The following THSD4 variants were observed in gnomAD, a reference collection of about 807,000 sequenced individuals.
The protein encoded by THSD4 is thrombospondin type 1 domain containing 4.
In THSD4, 69 loss-of-function variants were observed where a neutral mutation model predicts 119.0. The ratio of observed to expected loss-of-function variants is 0.58; its 90% CI spans 0.48 to 0.71. The LOEUF (loss-of-function observed/expected upper bound fraction) is 0.71, where lower values mean the gene tolerates loss of function less well. THSD4 is among the 30% of genes least tolerant of loss of function. The probability of loss-of-function intolerance (pLI) is 0.00; values close to 1 mark genes in which losing one functional copy is unlikely to be tolerated. For missense variants in THSD4, 1,393 were observed against 1,391.1 expected (o/e 1.00, Z -0.02); for synonymous variants, 524 against 540.4 (o/e 0.97, Z 0.42).
At chr15:71,512,387 C>T (rs1217095618) in intron 7 of THSD4, among the ~76,000 whole-genome samples, 5 of 152,108 alleles carry the variant, frequency 3.3e-5, no homozygotes, top group African/African-American at 1.2e-4. Flanking sequence ...AAGGTTGAAC[C>T]ACTTCAGCCC....
intron 7 of THSD4, among the ~76,000 whole-genome samples, chr15:71,556,424 T>C (rs1168562498): frequency 6.6e-6 from 1 of 152,162 alleles, no homozygotes; most frequent in East Asian, 1.9e-4. Context: ...TTCTAATTAA[T>C]TTTTTATTTT....
chr15:71,699,210 C>CT (rs34295616), intron 8 of THSD4, among the ~76,000 whole-genome samples: 61,192 of 73,004 alleles, frequency 0.84, 29,064 homozygotes, highest in South Asian at 0.96. Flanking sequence ...ATAGCTACAG[C>CT]TTTTTTTTTT....
intron 4 of THSD4, among the ~76,000 whole-genome samples, chr15:71,223,733 G>A (rs574333768): frequency 2.0e-5 from 3 of 152,332 alleles, no homozygotes; most frequent in Admixed American, 6.5e-5. Flanking sequence ...ACCTAAGGGA[G>A]TGTGCTGAGT....
rs1383037021 is a variant in THSD4 at position 71,757,541 on chromosome 15, C to CTGCCT, written c.2416-361_2416-360insTGCCT. 2.4e-3 allele frequency among the ~76,000 whole-genome samples: 365 copies of CTGCCT among 150,768 alleles called. 167 individuals are homozygous for CTGCCT. The highest frequency in any genetic ancestry group is 8.9e-3 in the African/African-American group (358 of 40,076). On this transcript the variant is annotated intron_variant, in intron 14 of 17. Transcript: ENST00000261862. ...AACCTCCTGGGCTCAAGCGATCCTC[C>CTGCCT]CACTTCAGCCTCCCAAAGCTCTGGT...
At chr15:71,567,813 G>A (rs1295105474) in intron 7 of THSD4, among the ~76,000 whole-genome samples, 3 of 152,064 alleles carry the variant, frequency 2.0e-5, no homozygotes, top group Non-Finnish European at 4.4e-5. Context: ...GTGTGTGGGT[G>A]TGTGTGTCTG....
At chr15:71,716,939 T>A (rs2052622562) in intron 8 of THSD4, among the ~76,000 whole-genome samples, 1 of 152,196 alleles carries the variant, frequency 6.6e-6, no homozygotes, top group South Asian at 2.1e-4. Context: ...CCTGACCAGA[T>A]GACCAAGAGC....
At chr15:71,708,390 G>C (rs1458099503) in intron 8 of THSD4, among the ~76,000 whole-genome samples, 1 of 152,142 alleles carries the variant, frequency 6.6e-6, no homozygotes, top group East Asian at 1.9e-4. Context: ...AAGGGCTATC[G>C]GCCTTGTCTT....
chr15:71,442,299 T>C (rs2047108083), intron 7 of THSD4, among the ~76,000 whole-genome samples: 1 of 150,014 alleles, frequency 6.7e-6, no homozygotes, highest in African/African-American at 2.4e-5. Context: ...CCGAGTGCAG[T>C]GGCTCCCACC....
intron 4 of THSD4, among the ~76,000 whole-genome samples, chr15:71,218,144 G>A (rs1172586757): frequency 6.6e-6 from 1 of 152,198 alleles, no homozygotes. Flanking sequence ...CTTCATTTTA[G>A]AGGTAAGGAA....
intron 3 of THSD4, among the ~76,000 whole-genome samples, chr15:71,187,815 C>G (rs1320019107): frequency 6.6e-6 from 1 of 152,244 alleles, no homozygotes. Context: ...CTACACAGCA[C>G]TGCCAGATTA....
At chr15:71,719,674 T>G (rs2141109260) in intron 8 of THSD4, among the ~76,000 whole-genome samples, 1 of 152,276 alleles carries the variant, frequency 6.6e-6, no homozygotes, top group South Asian at 2.1e-4. Flanking sequence ...GAAATACAAT[T>G]ATCAAAACAT....
In THSD4 at chr15:71,494,612, A is replaced by C. The variant is rs575792074; in HGVS notation, c.1152+82789A>C. ...CCTTCTGGATTCTTGCCCATTAGTG[A>C]ATTTGATATTTTTCTTTTAAGTTCT... On this transcript the variant is annotated intron_variant, in intron 7 of 17. Coordinates refer to ENST00000261862, the MANE Select transcript of THSD4 (RefSeq NM_024817.3). Among the ~76,000 whole-genome samples, 19 of 150,460 alleles carry C rather than the reference A, an allele frequency of 1.3e-4. No homozygotes were observed. The East Asian group carries it at 2.8e-3, about 22-fold the overall frequency.
At chr15:71,573,866 A>G (rs1025510934) in intron 7 of THSD4, among the ~76,000 whole-genome samples, 17 of 152,200 alleles carry the variant, frequency 1.1e-4, no homozygotes, top group African/African-American at 4.1e-4. Context: ...CTTTGATTTT[A>G]GCTGTTTCCC....
intron 15 of THSD4, among the ~76,000 whole-genome samples, chr15:71,764,542 G>A (rs1164721979): frequency 2.0e-5 from 3 of 152,248 alleles, no homozygotes; most frequent in African/African-American, 4.8e-5. Context: ...CAAGTCTTAG[G>A]TCTTCTCCTC....
chr15:71,638,795 A>G (rs1044794701), intron 7 of THSD4, among the ~76,000 whole-genome samples: 6 of 152,208 alleles, frequency 3.9e-5, no homozygotes, highest in African/African-American at 1.4e-4. Context: ...AGAATAAGCT[A>G]CATTATGCTT....
At chr15:71,153,750 A>G (rs756796069) in intron 2 of THSD4, among the ~76,000 whole-genome samples, 66 of 152,194 alleles carry the variant, frequency 4.3e-4, no homozygotes, top group Non-Finnish European at 7.6e-4. Flanking sequence ...GGAAGCCTCA[A>G]AAAGGTTGGG....
chr15:71,188,206 G>A (rs769898427), intron 3 of THSD4, among the ~76,000 whole-genome samples: 2 of 152,220 alleles, frequency 1.3e-5, no homozygotes, highest in Non-Finnish European at 2.9e-5. Flanking sequence ...GAGCCATTGA[G>A]GCTGAGAGTG....
At chr15:71,580,257 A>G (rs2049533325) in intron 7 of THSD4, among the ~76,000 whole-genome samples, 1 of 152,146 alleles carries the variant, frequency 6.6e-6, no homozygotes, top group Admixed American at 6.5e-5. Flanking sequence ...ATAAAGTAAG[A>G]AGTGACATTG....
At chr15:71,607,995 G>A (rs946037196) in intron 7 of THSD4, among the ~76,000 whole-genome samples, 1 of 152,072 alleles carries the variant, frequency 6.6e-6, no homozygotes, top group Non-Finnish European at 1.5e-5. Flanking sequence ...AGGCCAAGGC[G>A]GGCGGATCAC....
Sources: gnomAD v4.1 joint callset for allele counts (sites outside exome capture counted in the v4.1 genomes callset) on GRCh38, gnomAD v4.1.1 for gene constraint, MANE v1.5 for transcripts, NCBI Gene and HGNC (gene_info 2026-07-23, HGNC 2026-07-21) for gene names.